The following PER2 variants were observed in gnomAD, a reference collection of about 807,000 sequenced individuals.
The protein encoded by PER2 is period circadian protein homolog 2.
Under a neutral mutation model 121.0 loss-of-function variants are expected in PER2, and 66 were observed. The ratio of observed to expected loss-of-function variants is 0.55; its 90% CI spans 0.45 to 0.67. The LOEUF is 0.67. Among genes scored for constraint, PER2 ranks in the 30% least tolerant of loss-of-function variants. The pLI, the probability that PER2 is intolerant of heterozygous loss-of-function variation, is 0.00. For synonymous variants in PER2, 684 were observed against 659.9 expected, an observed-to-expected ratio of 1.04 and a Z score of -0.56; for missense variants, 1,521 against 1,635.0, an observed-to-expected ratio of 0.93 and a Z score of 1.20.
At chr2:238,264,358 G>A (rs1254380267) in intron 9 of PER2, among the ~76,000 whole-genome samples, 2 of 152,214 alleles carry the variant, frequency 1.3e-5, no homozygotes, top group Non-Finnish European at 2.9e-5. Context: ...AGGCAGCCCC[G>A]CGGACACACC....
At chr2:238,267,049 TAA>T (rs57177821) in intron 8 of PER2, among the ~76,000 whole-genome samples, 82 of 104,550 alleles carry the variant, frequency 7.8e-4, no homozygotes, top group African/African-American at 1.8e-3. Flanking sequence ...CTCCATCTCT[TAA>T]AAAAAAAAAA....
In PER2 at chr2:238,258,693, A is replaced by G. The variant is rs748434848; in HGVS notation, c.1628-49T>C. On this transcript the variant is annotated intron_variant, in intron 14 of 22. Transcript: ENST00000254657. ...TTTCATTCATTTTTCTCCCACAGAAAACGCTGTGTATTTACAAAGCATTTT... is the reference window on the plus strand; with the variant it reads ...TTTCATTCATTTTTCTCCCACAGAAGACGCTGTGTATTTACAAAGCATTTT... 1.9e-6 allele frequency: 3 copies of G among 1,585,556 alleles called. No homozygotes were observed. The East Asian group carries it at 6.7e-5, about 35-fold the overall frequency.
rs371055304 is a variant in PER2, at chr2:238,257,092, T to C, written c.1901-6A>G. On this transcript the variant is annotated splice_region_variant and splice_polypyrimidine_tract_variant and intron_variant, in intron 16 of 22. Transcript: ENST00000254657. ...CCTGGAGGGCGGCTCTGCCTCTTCA[T>C]GAGAGGAAGGGGGAACAAACATTAG... 1.2e-5 allele frequency: 19 copies of C among 1,610,410 alleles called. No homozygotes were observed. Among genetic ancestry groups the C allele is most frequent in the Non-Finnish European group, 1.6e-5 (19 of 1,179,640 alleles).
upstream of PER2, among the ~76,000 whole-genome samples, chr2:238,292,659 TTTTG>T (rs1392731024): frequency 1.3e-5 from 2 of 152,166 alleles, no homozygotes; most frequent in African/African-American, 2.4e-5. Flanking sequence ...TCGCTAAGAT[TTTTG>T]TTTTTCTTTT....
Position 238,273,052 on chromosome 2 carries a change from T to C in PER2, c.570+18A>G. The C allele has an allele frequency of 3.1e-6, 5 of 1,613,820 alleles. No homozygotes were observed. Among genetic ancestry groups the C allele is most frequent in the Non-Finnish European group, 4.2e-6 (5 of 1,179,770 alleles). On this transcript the variant is annotated intron_variant, in intron 5 of 22. Transcript: ENST00000254657. Reference sequence around the variant, plus strand: ...ACTCCTGCCATTTTAGAAAGAAACTTTGCGGAAAGAGGCTTACGGCATTCT... The same window carrying C: ...ACTCCTGCCATTTTAGAAAGAAACTCTGCGGAAAGAGGCTTACGGCATTCT...
At chr2:238,273,543 T>C (rs1178239277) in intron 4 of PER2, among the ~76,000 whole-genome samples, 1 of 151,788 alleles carries the variant, frequency 6.6e-6, no homozygotes, top group Non-Finnish European at 1.5e-5. Flanking sequence ...TTACCCAGGC[T>C]AGAGTGCAAT....
chr2:238,273,815 G>T (rs957181940), intron 4 of PER2, among the ~76,000 whole-genome samples: 14 of 152,072 alleles, frequency 9.2e-5, no homozygotes, highest in South Asian at 2.1e-4. Flanking sequence ...CTACAGGCAC[G>T]TGCCACCACG....
chr2:238,247,982 T>A (rs1695492707), intron 22 of PER2, among the ~76,000 whole-genome samples: 1 of 152,200 alleles, frequency 6.6e-6, no homozygotes, highest in Non-Finnish European at 1.5e-5. Flanking sequence ...GTGATGGGCT[T>A]CATCTACCTT....
intron 3 of PER2, 115 bp from the exon 4 acceptor site, chr2:238,276,012 G>A (rs1048457259): frequency 6.8e-6 from 5 of 739,216 alleles, no homozygotes; most frequent in Admixed American, 4.0e-5. Flanking sequence ...TCTGGTCTGG[G>A]TGGCCCTTTG....
intron 8 of PER2, among the ~76,000 whole-genome samples, chr2:238,267,210 C>A (rs1350116200): frequency 1.3e-5 from 2 of 152,170 alleles, no homozygotes; most frequent in Admixed American, 6.5e-5. Flanking sequence ...AAGGTGAGCA[C>A]CTACAGTTCC....
At chr2:238,249,680 A>T (rs1695546818) in intron 21 of PER2, among the ~76,000 whole-genome samples, 1 of 152,180 alleles carries the variant, frequency 6.6e-6, no homozygotes, top group Non-Finnish European at 1.5e-5. Context: ...GAACTGTAAT[A>T]CCCATGTGTT....
At chr2:238,259,011 T>A (rs1419392993) in intron 14 of PER2, among the ~76,000 whole-genome samples, 1 of 152,128 alleles carries the variant, frequency 6.6e-6, no homozygotes, top group African/African-American at 2.4e-5. Context: ...CAGGCCAGTG[T>A]TTTCAAGGTG....
chr2:238,251,604 C>T lies in PER2; in HGVS notation c.3269G>A (p.Gly1090Glu). The T allele has an allele frequency of 6.2e-7, 1 of 1,614,052 alleles. No individual in the cohort carries two copies. Among genetic ancestry groups the T allele is most frequent in the Non-Finnish European group, 8.5e-7 (1 of 1,179,942 alleles). Residue 1090 changes from glycine to glutamate, a missense_variant, in exon 20 of 23, where the codon GGG becomes GAG. Coordinates refer to ENST00000254657, the MANE Select transcript of PER2 (RefSeq NM_022817.3). ...GSLGCDASPSGAGSSDTSHTS... is the reference protein window; with the variant it reads ...GSLGCDASPSEAGSSDTSHTS... ...CCCCGCCAGGGCCAACATACCTGCCCCACTCGGGGAGGCGTCGCAGCCCAG... is the reference window on the plus strand; with the variant it reads ...CCCCGCCAGGGCCAACATACCTGCCTCACTCGGGGAGGCGTCGCAGCCCAG...
intron 1 of PER2, among the ~76,000 whole-genome samples, chr2:238,280,835 G>C (rs1696606682): frequency 6.6e-6 from 1 of 152,018 alleles, no homozygotes; most frequent in Non-Finnish European, 1.5e-5. Context: ...CAAAGGACAA[G>C]AGTCCAACGC....
chr2:238,270,247 A>G (rs1574853623), intron 6 of PER2, among the ~76,000 whole-genome samples: 1 of 152,264 alleles, frequency 6.6e-6, no homozygotes, highest in South Asian at 2.1e-4. Context: ...ACAACTTGGC[A>G]TTCAAGGCTT....
intron 4 of PER2, 95 bp downstream of exon 4, chr2:238,275,648 C>A: frequency 1.5e-6 from 2 of 1,377,746 alleles, no homozygotes; most frequent in South Asian, 2.3e-5. Flanking sequence ...CGATGAGCCT[C>A]GAGTTTTAGA....
chr2:238,261,310 C>A, intron 12 of PER2: 1 of 391,168 alleles, frequency 2.6e-6, no homozygotes, highest in South Asian at 3.2e-5. Flanking sequence ...GACAGGCAGG[C>A]GCCTACTCAG....
At chr2:238,289,994 A>G (rs910126552), upstream of PER2, 3 of 152,276 alleles carry the variant, frequency 2.0e-5, no homozygotes, top group African/African-American at 7.2e-5. Flanking sequence ...TGGAGCCCGC[A>G]GCATCTCTCT....
chr2:238,288,874 G>T (rs1696879277), upstream of PER2, among the ~76,000 whole-genome samples: 1 of 151,988 alleles, frequency 6.6e-6, no homozygotes, highest in South Asian at 2.1e-4. Context: ...CTGCATACAT[G>T]AGGGGCGGGG....
Sources: allele counts gnomAD v4.1 joint callset (sites outside exome capture counted in the v4.1 genomes callset), GRCh38; gene constraint gnomAD v4.1.1; transcripts MANE v1.5; gene names NCBI Gene and HGNC (gene_info 2026-07-23, HGNC 2026-07-21).